Variants in HOOK1 observed in about 807,000 individuals in gnomAD.
HOOK1 encodes the protein hook microtubule tethering protein 1, also known as protein Hook homolog 1.
HOOK1 carries 60 observed loss-of-function variants against 112.8 expected under a neutral mutation model. That is an observed-to-expected ratio of 0.53 (90% CI 0.43 to 0.66). The LOEUF is 0.66. HOOK1 is among the 30% of genes least tolerant of loss of function. HOOK1 has a pLI of 0.00. For missense variants in HOOK1, 770 were observed against 856.0 expected, an observed-to-expected ratio of 0.90 and a Z score of 1.25; for synonymous variants, 294 against 283.8, an observed-to-expected ratio of 1.04 and a Z score of -0.36.
intron 7 of HOOK1, among the ~76,000 whole-genome samples, chr1:59,838,693 T>G (rs1322350535): frequency 6.6e-6 from 1 of 152,224 alleles, no homozygotes; most frequent in African/African-American, 2.4e-5. Context: ...GCAGAAGCTC[T>G]TTAGTTTAAT....
chr1:59,853,193 A>G (rs2098408166), intron 12 of HOOK1, among the ~76,000 whole-genome samples: 1 of 152,076 alleles, frequency 6.6e-6, no homozygotes, highest in South Asian at 2.1e-4. Context: ...GTATAGTTCT[A>G]TTATTGAAAG....
intron 2 of HOOK1, among the ~76,000 whole-genome samples, chr1:59,825,149 G>C (rs577623217): frequency 7.9e-5 from 12 of 152,250 alleles, no homozygotes; most frequent in Non-Finnish European, 1.6e-4. Flanking sequence ...AGACATATCA[G>C]ATTAGGGCCC....
intron 1 of HOOK1, among the ~76,000 whole-genome samples, chr1:59,815,679 C>T (rs2098380851): frequency 6.6e-6 from 1 of 152,000 alleles, no homozygotes; most frequent in Non-Finnish European, 1.5e-5. Context: ...GTTTTAGTTC[C>T]CGGACCAATG....
chr1:59,849,103 G>A lies in HOOK1; in HGVS notation c.1162G>A (p.Glu388Lys), dbSNP rs758877382. The change falls in exon 12 of 22, where the codon GAA becomes AAA. Residue 388 changes from glutamate (E) to lysine (K), a missense_variant. By Grantham distance (56) the Glu-to-Lys change is moderately conservative. Transcript: ENST00000371208. Reference protein sequence around the residue: ...VQDLHVKLSSESKRADTLAFE... With the variant: ...VQDLHVKLSSKSKRADTLAFE... ...AGATCTTCATGTTAAACTTTCCTCC[G>A]AATCCAAGAGGGCAGACACACTAGC... 5.6e-6 allele frequency: 9 copies of A among 1,606,322 alleles called. No homozygotes were observed. The East Asian group carries it at 9.0e-5, about 16-fold the overall frequency.
At chr1:59,872,765 A>G (rs1187197615) in intron 21 of HOOK1, 30 bp from the exon 22 acceptor site, 2 of 1,365,402 alleles carry the variant, frequency 1.5e-6, no homozygotes, top group African/African-American at 3.0e-5. Context: ...TAGTCATGTT[A>G]AATAAAAAAT....
At chr1:59,816,173 C>T (rs923932657) in intron 1 of HOOK1, among the ~76,000 whole-genome samples, 13 of 152,088 alleles carry the variant, frequency 8.5e-5, no homozygotes, top group African/African-American at 3.1e-4. Flanking sequence ...GGTTGAGATT[C>T]CCTAGTGATC....
intron 1 of HOOK1, among the ~76,000 whole-genome samples, chr1:59,821,266 T>C (rs1375499784): frequency 6.6e-6 from 1 of 152,202 alleles, no homozygotes; most frequent in African/African-American, 2.4e-5. Flanking sequence ...TACATGAATA[T>C]TTAACAGATA....
intron 12 of HOOK1, among the ~76,000 whole-genome samples, chr1:59,853,961 C>A (rs1204958863): frequency 2.7e-5 from 3 of 111,824 alleles, no homozygotes; most frequent in South Asian, 3.3e-4. Context: ...TCTTTTAAAT[C>A]AAATTGTAGA....
chr1:59,869,485 C>G (rs1028243694), intron 20 of HOOK1, among the ~76,000 whole-genome samples: 1 of 152,152 alleles, frequency 6.6e-6, no homozygotes, highest in African/African-American at 2.4e-5. Flanking sequence ...AGCCACCGCA[C>G]CTAGCTGTAT....
Position 59,864,505 on chromosome 1 carries a change from C to G in HOOK1, c.1627-127C>G. The G allele has an allele frequency of 6.6e-6, 4 of 607,296 alleles. No individual in the cohort carries two copies. In the South Asian group the frequency reaches 8.4e-5, roughly 13 times the overall value. The allele number at this position is 607,296 out of a possible 1,614,324, so 37.6% of individuals were successfully genotyped here. ...TTCTTAAAGTGTGTTATTGGAAATACAAATTTTAAAAATATTTATAATTTT... is the reference window on the plus strand; with the variant it reads ...TTCTTAAAGTGTGTTATTGGAAATAGAAATTTTAAAAATATTTATAATTTT... On this transcript the variant is annotated intron_variant, in intron 16 of 21. Coordinates refer to ENST00000371208, the MANE Select transcript of HOOK1 (RefSeq NM_015888.6).
intron 4 of HOOK1, 31 bp from the exon 5 acceptor site, chr1:59,833,374 A>G (rs749853289): frequency 1.4e-6 from 2 of 1,438,120 alleles, no homozygotes; most frequent in South Asian, 3.3e-5. Context: ...GCCGACATAA[A>G]TGAGTGATCT....
chr1:59,843,498 G>C lies in HOOK1; in HGVS notation c.688G>C (p.Asp230His). ...SENEMMNEKL[D>H]QLDGSFDDPN... ...AAATGAGATGATGAATGAAAAACTT[G>C]ACCAGTTGGATGGCTCTTTTGATGA... The change falls in exon 9 of 22, where the codon GAC becomes CAC. Residue 230 changes from aspartate to histidine, a missense_variant. Physicochemically the swap from Asp to His is moderately conservative, Grantham distance 81. Around this residue, in one of 3 missense-constraint regions of HOOK1, gnomAD observed 655 missense variants for 725.9 expected, o/e 0.90. Transcript: ENST00000371208. 6.2e-7 allele frequency: 1 copy of C among 1,610,694 alleles called. No individual in the cohort carries two copies. The highest frequency in any genetic ancestry group is 1.1e-5 in the South Asian group (1 of 90,752).
Position 59,873,868 on chromosome 1 carries a change from CAT to C in HOOK1, c.*907_*908del, listed in dbSNP as rs942448404. 6.7e-5 allele frequency: 10 copies of C among 150,294 alleles called. No individual in the cohort carries two copies. The highest frequency in any genetic ancestry group is 2.2e-4 in the African/African-American group (9 of 41,016). The allele number at this position is 150,294 out of a possible 1,614,324, so 9.3% of individuals were successfully genotyped here. On this transcript the variant is annotated 3_prime_UTR_variant, in exon 22 of 22. Coordinates refer to ENST00000371208, the MANE Select transcript of HOOK1 (RefSeq NM_015888.6). ...TTTAGCTTCTGCTGAAAAATTGTAT[CAT>C]ATAATAATTTTGCTTCATTGAAAAG...
chr1:59,864,007 T>C (rs1054341496), intron 16 of HOOK1: 2 of 156,676 alleles, frequency 1.3e-5, no homozygotes, highest in African/African-American at 4.8e-5. Context: ...TATATTGGTA[T>C]CCAACTTGTA....
In HOOK1 at chr1:59,866,449, A is replaced by G. The variant is rs534986416; in HGVS notation, c.1845+477A>G. 2.0e-5 allele frequency among the ~76,000 whole-genome samples: 3 copies of G among 152,304 alleles called. No homozygotes were observed. The East Asian group carries it at 5.8e-4, about 29-fold the overall frequency. Reference sequence around the variant, plus strand: ...GCTTTTCAAATGTTCATCACACTCAAGGTTTAAAAAGGTAGAGGTTTACTT... The same window carrying G: ...GCTTTTCAAATGTTCATCACACTCAGGGTTTAAAAAGGTAGAGGTTTACTT... On this transcript the variant is annotated intron_variant, in intron 19 of 21. Coordinates refer to ENST00000371208, the MANE Select transcript of HOOK1 (RefSeq NM_015888.6).
chr1:59,840,000 T>G (rs1487880262), intron 7 of HOOK1, among the ~76,000 whole-genome samples: 2 of 152,156 alleles, frequency 1.3e-5, no homozygotes, highest in Admixed American at 6.6e-5. Flanking sequence ...ATTTATTGAT[T>G]TGTGTATGTT....
intron 7 of HOOK1, among the ~76,000 whole-genome samples, chr1:59,837,687 GACA>G (rs763599339): frequency 6.6e-6 from 1 of 151,866 alleles, no homozygotes; most frequent in Non-Finnish European, 1.5e-5. Context: ...GTAAAACAAA[GACA>G]ACAATTTTTT....
intron 12 of HOOK1, among the ~76,000 whole-genome samples, chr1:59,854,670 G>C (rs1447832998): frequency 6.6e-6 from 1 of 152,002 alleles, no homozygotes; most frequent in South Asian, 2.1e-4. Flanking sequence ...TCTTATTAAG[G>C]CTCCTTTTAA....
chr1:59,818,834 T>C (rs2098383460), intron 1 of HOOK1, among the ~76,000 whole-genome samples: 1 of 152,182 alleles, frequency 6.6e-6, no homozygotes, highest in African/African-American at 2.4e-5. Flanking sequence ...AGGAGGAGAA[T>C]ATGAAAATAA....
Sources: allele counts gnomAD v4.1 joint callset (sites outside exome capture counted in the v4.1 genomes callset), GRCh38; gene constraint gnomAD v4.1.1; regional missense constraint gnomAD v4.1.1; transcripts MANE v1.5; gene names NCBI Gene and HGNC (gene_info 2026-07-23, HGNC 2026-07-21).